MAPKAP1: variants seen among roughly 807,000 people sequenced by gnomAD.
The protein encoded by MAPKAP1 is MAPK associated protein 1, also known as target of rapamycin complex 2 subunit MAPKAP1.
A neutral mutation model predicts 65.7 loss-of-function variants in MAPKAP1; 20 were observed. The observed-to-expected ratio is 0.30, with a 90% CI of 0.21 to 0.44. The LOEUF (loss-of-function observed/expected upper bound fraction) is 0.44, where lower values mean the gene tolerates loss of function less well. Ranked by LOEUF, MAPKAP1 falls within the 20% of genes least tolerant of loss-of-function variation. MAPKAP1 has a pLI of 1.00. For missense variants in MAPKAP1, 423 were observed against 648.0 expected, an observed-to-expected ratio of 0.65 and a Z score of 3.77; for synonymous variants, 222 against 244.3, an observed-to-expected ratio of 0.91 and a Z score of 0.85.
intron 4 of MAPKAP1, among the ~76,000 whole-genome samples, chr9:125,590,428 T>C (rs1035172863): frequency 1.3e-5 from 2 of 152,158 alleles, no homozygotes; most frequent in South Asian, 2.1e-4. Flanking sequence ...GGTGGGTGGA[T>C]CACCTTGGGT....
intron 8 of MAPKAP1, among the ~76,000 whole-genome samples, chr9:125,497,148 C>T (rs1449523521): frequency 6.6e-6 from 1 of 152,156 alleles, no homozygotes; most frequent in African/African-American, 2.4e-5. Flanking sequence ...TGAGGGCTCT[C>T]AGACTAAGAC....
At chr9:125,496,890 G>T (rs567864917) in intron 8 of MAPKAP1, among the ~76,000 whole-genome samples, 1 of 152,112 alleles carries the variant, frequency 6.6e-6, no homozygotes, top group Non-Finnish European at 1.5e-5. Flanking sequence ...ACTCTATCAG[G>T]GGGAAAGAGC....
intron 1 of MAPKAP1, among the ~76,000 whole-genome samples, chr9:125,697,924 C>T (rs73593585): frequency 0.044 from 6,656 of 151,934 alleles, 429 homozygotes; most frequent in African/African-American, 0.14. Context: ...ATCAAACACT[C>T]TCACAATATA....
intron 11 of MAPKAP1, among the ~76,000 whole-genome samples, chr9:125,442,113 A>G (rs987487280): frequency 8.3e-6 from 1 of 120,462 alleles, no homozygotes; most frequent in Admixed American, 1.0e-4. Flanking sequence ...TGTGCAACAG[A>G]GTGAGACTCT....
intron 4 of MAPKAP1, among the ~76,000 whole-genome samples, chr9:125,625,255 T>TAAAA (rs58671780): frequency 7.0e-4 from 45 of 64,620 alleles, no homozygotes; most frequent in African/African-American, 2.6e-3. Flanking sequence ...AATAAATAAA[T>TAAAA]AAAAAAAAAA....
At chr9:125,662,595 A>C (rs752207116) in intron 3 of MAPKAP1, among the ~76,000 whole-genome samples, 28 of 152,300 alleles carry the variant, frequency 1.8e-4, no homozygotes, top group Middle Eastern at 3.4e-3. Context: ...AGGCAGGTGA[A>C]TGGCGTGAAC....
intron 5 of MAPKAP1, among the ~76,000 whole-genome samples, chr9:125,578,262 T>G (rs1218437733): frequency 6.6e-6 from 1 of 152,062 alleles, no homozygotes; most frequent in Non-Finnish European, 1.5e-5. Flanking sequence ...CACCACTCCC[T>G]AATCTCAAGT....
chr9:125,687,375 C>T (rs896695925), intron 1 of MAPKAP1, among the ~76,000 whole-genome samples: 2 of 152,106 alleles, frequency 1.3e-5, no homozygotes, highest in African/African-American at 4.8e-5. Context: ...GTTAAAGAGA[C>T]TAGCTATGGG....
At chr9:125,456,299 A>G (rs904518687) in intron 10 of MAPKAP1, among the ~76,000 whole-genome samples, 1 of 152,208 alleles carries the variant, frequency 6.6e-6, no homozygotes, top group East Asian at 1.9e-4. Flanking sequence ...CAAATCTGGA[A>G]TAGTTTTTCC....
At chr9:125,681,709 A>G (rs1418434142) in intron 1 of MAPKAP1, among the ~76,000 whole-genome samples, 3 of 152,216 alleles carry the variant, frequency 2.0e-5, no homozygotes, top group Non-Finnish European at 4.4e-5. Flanking sequence ...GTAACACACC[A>G]TAAGAAATTT....
chr9:125,638,168 T>G (rs1259812678), intron 4 of MAPKAP1, among the ~76,000 whole-genome samples: 1 of 152,092 alleles, frequency 6.6e-6, no homozygotes, highest in Admixed American at 6.6e-5. Context: ...GTGGAGGAGT[T>G]TAGTTTTGCT....
At chr9:125,441,289 T>C (rs1564511790) in intron 11 of MAPKAP1, among the ~76,000 whole-genome samples, 2 of 152,196 alleles carry the variant, frequency 1.3e-5, no homozygotes, top group Non-Finnish European at 2.9e-5. Context: ...ACCCATGGCT[T>C]AGCTCAGTGA....
At chr9:125,686,311 CAAAAAAAAAAA>C (rs35807247) in intron 1 of MAPKAP1, among the ~76,000 whole-genome samples, 1 of 56,938 alleles carries the variant, frequency 1.8e-5, no homozygotes, top group African/African-American at 4.8e-5. Context: ...GACTCTGTCT[CAAAAAAAAAAA>C]AAAGAAAAGA....
rs551578910 is a variant in MAPKAP1 at position 125,468,794 on chromosome 9, A to C, written c.1208-685T>G. Among the ~76,000 whole-genome samples, 6 of 152,326 alleles carry C rather than the reference A, an allele frequency of 3.9e-5. 1 individual carries two copies. In the South Asian group the frequency reaches 1.2e-3, roughly 32 times the overall value. On this transcript the variant is annotated intron_variant, in intron 9 of 11. Transcript: ENST00000265960. ...AGGGCGAGACTCGGCACTGGGTGTGAGTTTTACGCAACAGGAATCCAGAAT... is the reference window on the plus strand; with the variant it reads ...AGGGCGAGACTCGGCACTGGGTGTGCGTTTTACGCAACAGGAATCCAGAAT...
chr9:125,672,124 T>A (rs1834514034), intron 2 of MAPKAP1, among the ~76,000 whole-genome samples, 192 bp downstream of exon 2: 1 of 152,208 alleles, frequency 6.6e-6, no homozygotes, highest in Non-Finnish European at 1.5e-5. Context: ...CTAATAATAT[T>A]CTAGAGGCCC....
intron 7 of MAPKAP1, among the ~76,000 whole-genome samples, chr9:125,527,481 T>C (rs1829806917): frequency 6.6e-6 from 1 of 152,208 alleles, no homozygotes; most frequent in Non-Finnish European, 1.5e-5. Flanking sequence ...AGTTTTTTTG[T>C]GTGTGTGATT....
At position 125,505,411 on chromosome 9, in the gene MAPKAP1, C is replaced by T. The variant is rs190029264; in HGVS notation, c.1066+899G>A. Reference sequence around the variant, plus strand: ...CTGCACTCCAGCCTGGGTGACAGAGCGAGACTCCGTCTCAAAAAAAAAAGA... The same window carrying T: ...CTGCACTCCAGCCTGGGTGACAGAGTGAGACTCCGTCTCAAAAAAAAAAGA... On this transcript the variant is annotated intron_variant, in intron 8 of 11. Transcript: ENST00000265960. 7.4e-3 allele frequency among the ~76,000 whole-genome samples: 1,112 copies of T among 149,872 alleles called. 18 individuals are homozygous for T. The highest frequency in any genetic ancestry group is 0.025 in the African/African-American group (1,036 of 41,258).
chr9:125,548,467 A>G (rs1297896760), intron 6 of MAPKAP1, among the ~76,000 whole-genome samples: 1 of 152,234 alleles, frequency 6.6e-6, no homozygotes, highest in East Asian at 1.9e-4. Context: ...ACCAGAAGGC[A>G]GCAGAGCACA....
chr9:125,443,698 T>TCCCCCAGCC (rs2060873158), intron 11 of MAPKAP1, among the ~76,000 whole-genome samples: 2 of 128,892 alleles, frequency 1.6e-5, no homozygotes, highest in South Asian at 2.8e-4. Context: ...CCCCGCCAGC[T>TCCCCCAGCC]CCCCCAGCCC....
Sources: gnomAD v4.1 joint callset for allele counts (sites outside exome capture counted in the v4.1 genomes callset) on GRCh38, gnomAD v4.1.1 for gene constraint, MANE v1.5 for transcripts, NCBI Gene and HGNC (gene_info 2026-07-23, HGNC 2026-07-21) for gene names.